P4HA2: variants seen among roughly 807,000 people sequenced by gnomAD.
P4HA2 encodes prolyl 4-hydroxylase subunit alpha 2.
Under a neutral mutation model 76.9 loss-of-function variants are expected in P4HA2, and 46 were observed. The ratio of observed to expected loss-of-function variants is 0.60; its 90% CI spans 0.47 to 0.76. P4HA2 has a LOEUF of 0.76. P4HA2 is among the 30% of genes least tolerant of loss of function. The pLI, the probability that P4HA2 is intolerant of heterozygous loss-of-function variation, is 0.00. For missense variants in P4HA2, 583 were observed against 669.4 expected, an observed-to-expected ratio of 0.87 and a Z score of 1.42; for synonymous variants, 243 against 254.0, an observed-to-expected ratio of 0.96 and a Z score of 0.41.
chr5:132,194,544 T>C (rs1190516282), intron 14 of P4HA2, among the ~76,000 whole-genome samples: 1 of 152,202 alleles, frequency 6.6e-6, no homozygotes. Flanking sequence ...CACACCCGTA[T>C]GCTGGTTTTA....
chr5:132,198,089 A>G lies in P4HA2; in HGVS notation c.1365+232T>C, dbSNP rs1316520085. 2.0e-6 allele frequency: 3 copies of G among 1,498,860 alleles called. No individual in the cohort carries two copies. In the African/African-American group the frequency reaches 4.2e-5, roughly 21 times the overall value. 92.8% of individuals were successfully genotyped at this position (1,498,860 alleles called of 1,614,324 possible). ...GCAGCCAAGAAGGGTGCTGAGAGCC[A>G]GAAGGACCTGACCATTACTTAACAG... On this transcript the variant is annotated intron_variant, in intron 12 of 14. Coordinates refer to ENST00000360568, the MANE Select transcript of P4HA2 (RefSeq NM_001017974.2).
intron 10 of P4HA2, among the ~76,000 whole-genome samples, chr5:132,203,052 A>C (rs960864017): frequency 6.6e-6 from 1 of 152,200 alleles, no homozygotes; most frequent in Non-Finnish European, 1.5e-5. Context: ...ATAACACTGA[A>C]AGAAACTAGC....
rs573964466 is a variant in P4HA2 at position 132,216,651 on chromosome 5, A to G, written c.331+546T>C. On this transcript the variant is annotated intron_variant, in intron 4 of 14. Transcript: ENST00000360568. ...TATGCTTTGTTTGTAAAACATATGA[A>G]TAGGAATGAATTTAGATCAGACCTA... Among the ~76,000 whole-genome samples, 154 of 152,340 alleles carry G rather than the reference A, an allele frequency of 1.0e-3. 1 individual carries two copies. Among genetic ancestry groups the G allele is most frequent in the African/African-American group, 3.4e-3 (141 of 41,584 alleles).
chr5:132,202,658 C>T (rs1256728820), intron 10 of P4HA2: 2 of 152,186 alleles, frequency 1.3e-5, no homozygotes, highest in Non-Finnish European at 2.9e-5. Context: ...GGACTCAATA[C>T]CCAAGAGGAC....
At chr5:132,211,313 G>C (rs1458401857) in intron 5 of P4HA2, among the ~76,000 whole-genome samples, 1 of 152,218 alleles carries the variant, frequency 6.6e-6, no homozygotes, top group African/African-American at 2.4e-5. Context: ...CTCAAGATGG[G>C]AAAGACTATG....
intron 1 of P4HA2, among the ~76,000 whole-genome samples, chr5:132,220,542 C>A (rs1270579309): frequency 5.3e-5 from 8 of 152,212 alleles, no homozygotes; most frequent in African/African-American, 1.9e-4. Context: ...AGTTGCATAC[C>A]TTTTTAGAGG....
At position 132,197,234 on chromosome 5, in the gene P4HA2, T is replaced by A. The variant is rs542201859; in HGVS notation, c.1365+1087A>T. On this transcript the variant is annotated intron_variant, in intron 12 of 14. Coordinates refer to ENST00000360568, the MANE Select transcript of P4HA2 (RefSeq NM_001017974.2). Reference sequence around the variant, plus strand: ...TCTCATCTAGAGAGAGCTAAGGCTATCTCCTCACTCTGATGCCAAGGAGGG... The same window carrying A: ...TCTCATCTAGAGAGAGCTAAGGCTAACTCCTCACTCTGATGCCAAGGAGGG... Among the ~76,000 whole-genome samples the A allele has an allele frequency of 1.9e-4, 29 of 152,192 alleles. No individual in the cohort carries two copies. The South Asian group carries it at 6.0e-3, about 32-fold the overall frequency.
chr5:132,195,932 C>T (rs1259131915), intron 12 of P4HA2, among the ~76,000 whole-genome samples: 1 of 152,210 alleles, frequency 6.6e-6, no homozygotes, highest in African/African-American at 2.4e-5. Flanking sequence ...TAGTTTGCTG[C>T]TCTAGTCAGA....
intron 14 of P4HA2, 143 bp downstream of exon 14, chr5:132,194,783 G>A: frequency 1.4e-6 from 1 of 691,800 alleles, no homozygotes; most frequent in Non-Finnish European, 2.7e-6. Flanking sequence ...TGGCTGGATG[G>A]TAATAACAGC....
Position 132,195,419 on chromosome 5 carries a change from G to C in P4HA2, c.1427C>G (p.Pro476Arg). 6.2e-7 allele frequency: 1 copy of C among 1,611,552 alleles called. No individual in the cohort carries two copies. The highest frequency in any genetic ancestry group is 8.5e-7 in the Non-Finnish European group (1 of 1,177,692). Residue 476 changes from proline to arginine, a missense_variant, in exon 13 of 15, where the codon CCT becomes CGT. By Grantham distance (103) the Pro-to-Arg change is moderately radical (BLOSUM62 -2). Coordinates refer to ENST00000360568, the MANE Select transcript of P4HA2 (RefSeq NM_001017974.2). ...ACAAGAATCAGAACTTACCTTCTTA[G>C]GCCAAATTGCAGCCCCCAGATCAGG... ...VFPDLGAAIW[P>R]KKGTAVFWYN...
chr5:132,226,300 T>C (rs1755388992), intron 1 of P4HA2, among the ~76,000 whole-genome samples: 1 of 152,170 alleles, frequency 6.6e-6, no homozygotes, highest in Non-Finnish European at 1.5e-5. Flanking sequence ...AGCTACAACG[T>C]AACGGACTCC....
intron 1 of P4HA2, among the ~76,000 whole-genome samples, chr5:132,223,979 G>A (rs963163611): frequency 6.6e-4 from 101 of 152,340 alleles, no homozygotes; most frequent in African/African-American, 2.4e-3. Flanking sequence ...GAACATGCCT[G>A]CCCAGGTTAA....
At position 132,191,100 on chromosome 5, in the gene P4HA2, G is replaced by A. The variant is rs1335897392; in HGVS notation, c.*1910C>T. The stretch of plus-strand genomic sequence containing the variant: ...ACAGGCATCTTCTTGCTGTGTGTTC[G>A]CATGGCAGAAAGAGGGCTGGGATCT... On this transcript the variant is annotated 3_prime_UTR_variant, in exon 15 of 15. Coordinates refer to ENST00000360568, the MANE Select transcript of P4HA2 (RefSeq NM_001017974.2). 6.6e-6 allele frequency among the ~76,000 whole-genome samples: 1 copy of A among 152,162 alleles called. No individual in the cohort carries two copies. The highest frequency in any genetic ancestry group is 2.1e-4 in the South Asian group (1 of 4,818).
intron 4 of P4HA2, 123 bp from the exon 5 acceptor site, chr5:132,214,176 A>C: frequency 1.1e-6 from 1 of 920,732 alleles, no homozygotes; most frequent in Non-Finnish European, 1.6e-6. Context: ...CCCTCCCTCA[A>C]AGGCTGTTGC....
intron 12 of P4HA2, among the ~76,000 whole-genome samples, chr5:132,197,384 G>A (rs1708231753): frequency 6.6e-6 from 1 of 152,270 alleles, no homozygotes; most frequent in South Asian, 2.1e-4. Flanking sequence ...GAGGGGGGCG[G>A]ATCACCTGAG....
intron 12 of P4HA2, chr5:132,197,916 T>TA (rs1750907548): frequency 5.3e-6 from 4 of 755,716 alleles, no homozygotes; most frequent in South Asian, 6.0e-5. Flanking sequence ...ACCGTACATT[T>TA]AAAAAATGGT....
Position 132,204,135 on chromosome 5 carries a change from A to G in P4HA2, c.1098T>C (p.Val366=). The change falls in exon 9 of 15, where the codon GTT becomes GTC. Residue 366 remains valine (V), a synonymous_variant. Transcript: ENST00000360568. ...IAKPKLARAT[V]RDPKTGVLTV... is the part of the protein sequence containing the mutation. ...TGAGGACTCCTGTCTTGGGATCACG[A>G]ACGGTGGCTCGTGCAAGCTAGAAGG... The G allele has an allele frequency of 2.5e-6, 4 of 1,613,800 alleles. No homozygotes were observed. The highest frequency in any genetic ancestry group is 3.4e-6 in the Non-Finnish European group (4 of 1,179,658).
intron 1 of P4HA2, chr5:132,227,370 T>C (rs1385148879): frequency 6.6e-6 from 1 of 152,150 alleles, no homozygotes; most frequent in Non-Finnish European, 1.5e-5. Flanking sequence ...AGAACGGGCT[T>C]AGCCAATATG....
At chr5:132,198,473 G>C (rs762870118) in intron 11 of P4HA2, 93 bp from the exon 12 acceptor site, 80 of 1,166,116 alleles carry the variant, frequency 6.9e-5, no homozygotes, top group Admixed American at 1.1e-4. Flanking sequence ...AAAGTAATAA[G>C]TGTGTGTTCC....
Sources: allele counts gnomAD v4.1 joint callset (sites outside exome capture counted in the v4.1 genomes callset), GRCh38; gene constraint gnomAD v4.1.1; transcripts MANE v1.5; gene names NCBI Gene and HGNC (gene_info 2026-07-23, HGNC 2026-07-21).